The following PCCB variants were observed in gnomAD, a reference collection of about 807,000 sequenced individuals.
PCCB encodes propionyl-CoA carboxylase subunit beta.
In PCCB, 43 loss-of-function variants were observed where a neutral mutation model predicts 60.7. That is an observed-to-expected ratio of 0.71 (90% CI 0.55 to 0.91). The LOEUF is 0.91. Among genes scored for constraint, PCCB ranks in the 40% least tolerant of loss-of-function variants. The pLI is 0.00. For synonymous variants in PCCB, 276 were observed against 255.9 expected (o/e 1.08, Z -0.75); for missense variants, 766 against 702.8 (o/e 1.09, Z -1.02).
chr3:136,288,965 G>A (rs1933550567), intron 6 of PCCB, among the ~76,000 whole-genome samples: 1 of 151,982 alleles, frequency 6.6e-6, no homozygotes, highest in Non-Finnish European at 1.5e-5. Flanking sequence ...ACCATGCCTG[G>A]CCAATTTTTT....
intron 10 of PCCB, among the ~76,000 whole-genome samples, chr3:136,325,424 T>G (rs1192840871): frequency 6.6e-6 from 1 of 152,110 alleles, no homozygotes; most frequent in African/African-American, 2.4e-5. Flanking sequence ...GGTGCAATCT[T>G]GGCTCACTGC....
intron 3 of PCCB, chr3:136,259,232 C>T (rs776835660): frequency 9.8e-6 from 11 of 1,126,542 alleles, no homozygotes; most frequent in Middle Eastern, 2.2e-4. Context: ...TTTGGGAGGC[C>T]GAGGTGGGTA....
intron 5 of PCCB, among the ~76,000 whole-genome samples, chr3:136,281,905 G>A (rs533009905): frequency 1.3e-5 from 2 of 152,192 alleles, no homozygotes; most frequent in African/African-American, 2.4e-5. Flanking sequence ...CCAGCAATCT[G>A]ACAGTAATTT....
Position 136,307,196 on chromosome 3 carries a change from G to T in PCCB, c.966+6085G>T, listed in dbSNP as rs1009028625. Among the ~76,000 whole-genome samples, 2 of 122,474 alleles carry T rather than the reference G, an allele frequency of 1.6e-5. 1 individual carries two copies. Among genetic ancestry groups the T allele is most frequent in the Non-Finnish European group, 3.6e-5 (2 of 54,978 alleles). The allele number at this position is 122,474 out of a possible 152,430, so 80.3% of individuals were successfully genotyped here. ...TTAAACCAAGAACCGAGGGAAGTTT[G>T]TGTTAATGAGGCTTTCTTGAGGAAT... On this transcript the variant is annotated intron_variant, in intron 9 of 14. Coordinates refer to ENST00000251654, the MANE Select transcript of PCCB (RefSeq NM_000532.5).
At chr3:136,271,182 G>A (rs1942189527) in intron 5 of PCCB, among the ~76,000 whole-genome samples, 1 of 152,066 alleles carries the variant, frequency 6.6e-6, no homozygotes, top group African/African-American at 2.4e-5. Flanking sequence ...TCTTAGTCAT[G>A]GATTTTTTGC....
At chr3:136,263,593 C>G (rs149839450) in intron 5 of PCCB, among the ~76,000 whole-genome samples, 7 of 152,048 alleles carry the variant, frequency 4.6e-5, no homozygotes, top group African/African-American at 1.7e-4. Flanking sequence ...TTTTCAAGGG[C>G]TAGTCTTTAC....
At chr3:136,276,111 C>G (rs1188256546) in intron 5 of PCCB, among the ~76,000 whole-genome samples, 1 of 152,186 alleles carries the variant, frequency 6.6e-6, no homozygotes, top group Non-Finnish European at 1.5e-5. Context: ...GGCAAGTTCA[C>G]TGTCTCCTAT....
At chr3:136,251,209 G>A (rs868460022) in intron 1 of PCCB, 6 of 456,436 alleles carry the variant, frequency 1.3e-5, no homozygotes, top group Non-Finnish European at 2.2e-5. Context: ...CTGAGCAGTT[G>A]AAACACTGCC....
chr3:136,315,554 G>A (rs1164915733), intron 9 of PCCB, among the ~76,000 whole-genome samples: 1 of 152,130 alleles, frequency 6.6e-6, no homozygotes, highest in Non-Finnish European at 1.5e-5. Context: ...TTGTGAATTG[G>A]GCACAGTGGC....
In PCCB at chr3:136,290,671, G is replaced by GTTTTTTT. The variant is rs61191314; in HGVS notation, c.655-3074_655-3068dup. 8.3e-5 allele frequency among the ~76,000 whole-genome samples: 5 copies of GTTTTTTT among 60,044 alleles called. 2 individuals are homozygous for GTTTTTTT. The highest frequency in any genetic ancestry group is 1.1e-3 in the East Asian group (2 of 1,824). The allele number at this position is 60,044 out of a possible 152,430, so 39.4% of individuals were successfully genotyped here. ...CACTACACCTAGCTTTCTCTGTGTA[G>GTTTTTTT]TTTTTTTTTTTTTTTTTGTCATTCA... On this transcript the variant is annotated intron_variant, in intron 6 of 14. Coordinates refer to ENST00000251654, the MANE Select transcript of PCCB (RefSeq NM_000532.5).
chr3:136,273,604 T>TTC (rs1942262016), intron 5 of PCCB, among the ~76,000 whole-genome samples: 1 of 139,554 alleles, frequency 7.2e-6, no homozygotes, highest in Non-Finnish European at 1.5e-5. Flanking sequence ...TTTCTTTTTT[T>TTC]TTTTTTTTTT....
intron 6 of PCCB, among the ~76,000 whole-genome samples, chr3:136,293,143 A>G (rs1328059770): frequency 6.6e-6 from 1 of 152,130 alleles, no homozygotes; most frequent in East Asian, 1.9e-4. Flanking sequence ...CTAGGACTAC[A>G]GGCACATGCC....
intron 9 of PCCB, among the ~76,000 whole-genome samples, chr3:136,309,466 A>C (rs1934576613): frequency 6.6e-6 from 1 of 152,166 alleles, no homozygotes; most frequent in Non-Finnish European, 1.5e-5. Context: ...AGAAGTATGA[A>C]GTGAGAAAGG....
chr3:136,286,790 G>T (rs1933430634), intron 6 of PCCB, among the ~76,000 whole-genome samples: 1 of 152,074 alleles, frequency 6.6e-6, no homozygotes, highest in South Asian at 2.1e-4. Context: ...GAGCGCTTTG[G>T]GAGGCTGAGG....
chr3:136,273,574 C>CTTTTTTTTT (rs1942253810), intron 5 of PCCB, among the ~76,000 whole-genome samples: 1 of 50,362 alleles, frequency 2.0e-5, no homozygotes, highest in Non-Finnish European at 4.6e-5. Flanking sequence ...CCTTCTTTTT[C>CTTTTTTTTT]TTTCTTTTTT....
At chr3:136,268,094 A>ATATATATATATATG (rs1553775741) in intron 5 of PCCB, among the ~76,000 whole-genome samples, 1,975 of 64,200 alleles carry the variant, frequency 0.031, 43 homozygotes, top group Non-Finnish European at 0.046. Context: ...GTAGATATAT[A>ATATATATATATATG]TATATATATA....
chr3:136,316,983 G>A lies in PCCB; in HGVS notation c.1009G>A (p.Ala337Thr). Residue 337 changes from alanine (A) to threonine (T), a missense_variant, in exon 10 of 15, where the codon GCC becomes ACC. Transcript: ENST00000251654. Reference sequence around the variant, plus strand: ...ATTTTTTGAGATCATGCCCAATTATGCCAAGAACATCATTGTTGGTTTTGC... The same window carrying A: ...ATTTTTTGAGATCATGCCCAATTATACCAAGAACATCATTGTTGGTTTTGC... Reference protein sequence around the residue: ...REFFEIMPNYAKNIIVGFARM... With the variant: ...REFFEIMPNYTKNIIVGFARM... 6.2e-7 allele frequency: 1 copy of A among 1,614,004 alleles called. No homozygotes were observed. The highest frequency in any genetic ancestry group is 8.5e-7 in the Non-Finnish European group (1 of 1,179,922).
rs573619812 is a variant in PCCB at position 136,283,074 on chromosome 3, C to CTTAG, written c.544-762_544-759dup. Among the ~76,000 whole-genome samples the CTTAG allele has an allele frequency of 6.6e-5, 10 of 152,270 alleles. No individual in the cohort carries two copies. In the South Asian group the frequency reaches 2.1e-3, roughly 32 times the overall value. ...AGCATAGATTACATTTTGCACTGTC[C>CTTAG]TTAGCTGTGTATAGATTGGGCTTAG... On this transcript the variant is annotated intron_variant, in intron 5 of 14. Coordinates refer to ENST00000251654, the MANE Select transcript of PCCB (RefSeq NM_000532.5).
At chr3:136,312,156 G>A (rs755492566) in intron 9 of PCCB, among the ~76,000 whole-genome samples, 3 of 152,234 alleles carry the variant, frequency 2.0e-5, no homozygotes, top group African/African-American at 2.4e-5. Flanking sequence ...ACAGTCACGC[G>A]TTGCGTAACA....
Sources: gnomAD v4.1 joint callset for allele counts (sites outside exome capture counted in the v4.1 genomes callset) on GRCh38, gnomAD v4.1.1 for gene constraint, MANE v1.5 for transcripts, NCBI Gene and HGNC (gene_info 2026-07-23, HGNC 2026-07-21) for gene names.